GFRA2: variants seen among roughly 807,000 people sequenced by gnomAD.
GFRA2 encodes the protein GDNF family receptor alpha-2.
Under a neutral mutation model 48.3 loss-of-function variants are expected in GFRA2, and 17 were observed. That is an observed-to-expected ratio of 0.35 (90% confidence interval 0.24 to 0.53). The LOEUF (loss-of-function observed/expected upper bound fraction) is 0.53. Among genes scored for constraint, GFRA2 ranks in the 20% least tolerant of loss-of-function variants. The pLI, the probability that GFRA2 is intolerant of heterozygous loss-of-function variation, is 0.93. For missense variants in GFRA2, 660 were observed against 637.3 expected (o/e 1.04, Z -0.38); for synonymous variants, 305 against 257.2 (o/e 1.19, Z -1.78).
intron 1 of GFRA2, among the ~76,000 whole-genome samples, chr8:21,784,111 C>T (rs1477667099): frequency 6.6e-6 from 1 of 152,120 alleles, no homozygotes; most frequent in Non-Finnish European, 1.5e-5. Context: ...TCCTGGCCCC[C>T]ATGTCCACAC....
At chr8:21,748,290 G>A (rs1157413817) in intron 4 of GFRA2, among the ~76,000 whole-genome samples, 6 of 152,006 alleles carry the variant, frequency 3.9e-5, no homozygotes, top group Non-Finnish European at 8.8e-5. Context: ...CACCCCCACT[G>A]AATGGCTCCA....
intron 2 of GFRA2, 84 bp downstream of exon 2, chr8:21,782,501 T>G: frequency 9.6e-7 from 1 of 1,046,186 alleles, no homozygotes; most frequent in Non-Finnish European, 1.4e-6. Flanking sequence ...CACCTAGTCC[T>G]CCCTCCTGAA....
intron 4 of GFRA2, among the ~76,000 whole-genome samples, chr8:21,729,545 G>A (rs1017966328): frequency 1.3e-5 from 2 of 152,084 alleles, no homozygotes; most frequent in African/African-American, 4.8e-5. Flanking sequence ...CTTCACATCC[G>A]CAGAGAAAAC....
intron 1 of GFRA2, among the ~76,000 whole-genome samples, chr8:21,808,944 C>T (rs1807926024): frequency 6.6e-6 from 1 of 152,242 alleles, no homozygotes; most frequent in Admixed American, 6.5e-5. Flanking sequence ...ATTTCTACCT[C>T]TTTTTATCAC....
chr8:21,709,348 G>A (rs116450572), intron 4 of GFRA2, among the ~76,000 whole-genome samples: 1 of 152,252 alleles, frequency 6.6e-6, no homozygotes. Context: ...CATTGCATGA[G>A]CAGTTCCTGA....
At position 21,691,753 on chromosome 8, in the gene GFRA2, G is replaced by C. The variant is rs1007387307; in HGVS notation, c.*1525C>G. 1 of 152,306 alleles carries C rather than the reference G, an allele frequency of 6.6e-6. No homozygotes were observed. The highest frequency in any genetic ancestry group is 1.9e-4 in the East Asian group (1 of 5,198). 9.4% of individuals were successfully genotyped at this position (152,306 alleles called of 1,614,324 possible). On this transcript the variant is annotated 3_prime_UTR_variant, in exon 9 of 9. Coordinates refer to ENST00000524240, the MANE Select transcript of GFRA2 (RefSeq NM_001495.5). ...AGGCATTTGCGCCAACTGGAGAAGT[G>C]AGCAAAGAGGGAACAGAACAGCCCA...
At chr8:21,731,689 T>C (rs1804203539) in intron 4 of GFRA2, among the ~76,000 whole-genome samples, 1 of 152,078 alleles carries the variant, frequency 6.6e-6, no homozygotes, top group African/African-American at 2.4e-5. Context: ...CGTTCAATTA[T>C]CTGGTTTTCT....
At chr8:21,774,634 A>G (rs1806604807) in intron 3 of GFRA2, among the ~76,000 whole-genome samples, 1 of 152,214 alleles carries the variant, frequency 6.6e-6, no homozygotes, top group Non-Finnish European at 1.5e-5. Context: ...CAACTTGACA[A>G]AGTGGAAGAG....
intron 2 of GFRA2, among the ~76,000 whole-genome samples, chr8:21,795,724 C>A (rs1054886271): frequency 1.2e-4 from 19 of 152,320 alleles, no homozygotes; most frequent in Non-Finnish European, 2.6e-4. Context: ...GAAGACCACT[C>A]ATGACATGAC....
chr8:21,808,490 G>A (rs1220833940), intron 1 of GFRA2, among the ~76,000 whole-genome samples: 1 of 152,226 alleles, frequency 6.6e-6, no homozygotes, highest in Non-Finnish European at 1.5e-5. Context: ...CAAAGTCAGA[G>A]TAAGCCTAGT....
intron 1 of GFRA2, among the ~76,000 whole-genome samples, chr8:21,785,215 T>C (rs1807210671): frequency 6.6e-6 from 1 of 152,200 alleles, no homozygotes; most frequent in Non-Finnish European, 1.5e-5. Flanking sequence ...GTCCTACAGT[T>C]GGGCCTAGAG....
intron 3 of GFRA2, among the ~76,000 whole-genome samples, chr8:21,761,936 A>G (rs1041918449): frequency 1.3e-5 from 2 of 152,026 alleles, no homozygotes; most frequent in African/African-American, 2.4e-5. Flanking sequence ...TGTGTGACAG[A>G]GCGAGACTCT....
intron 2 of GFRA2, among the ~76,000 whole-genome samples, chr8:21,779,336 T>C (rs1422633523): frequency 1.3e-5 from 2 of 152,100 alleles, no homozygotes; most frequent in African/African-American, 2.4e-5. Context: ...ATCAGCACAG[T>C]CCTCCCGTGG....
At position 21,749,527 on chromosome 8, in the gene GFRA2, C is replaced by T. The variant is rs567468204; in HGVS notation, c.794+1061G>A. 1.1e-4 allele frequency among the ~76,000 whole-genome samples: 16 copies of T among 152,052 alleles called. No individual in the cohort carries two copies. In the East Asian group the frequency reaches 2.1e-3, roughly 20 times the overall value. On this transcript the variant is annotated intron_variant, in intron 4 of 8. Coordinates refer to ENST00000524240, the MANE Select transcript of GFRA2 (RefSeq NM_001495.5). ...TCCTCACCCTGACCCATTCCTCACT[C>T]ATATGATCATTGAGACTGGATCATA...
At chr8:21,721,807 C>G (rs1049503144) in intron 4 of GFRA2, among the ~76,000 whole-genome samples, 1 of 152,084 alleles carries the variant, frequency 6.6e-6, no homozygotes, top group Non-Finnish European at 1.5e-5. Flanking sequence ...CCAGACCCAC[C>G]AGGAAGCAGG....
intron 4 of GFRA2, among the ~76,000 whole-genome samples, chr8:21,729,222 C>T (rs185659110): frequency 1.4e-3 from 212 of 152,202 alleles, no homozygotes; most frequent in African/African-American, 4.9e-3. Context: ...CCCAGCTACT[C>T]GGGAGGCTGA....
intron 2 of GFRA2, among the ~76,000 whole-genome samples, chr8:21,778,501 G>C (rs1806819878): frequency 6.6e-6 from 1 of 152,210 alleles, no homozygotes; most frequent in Non-Finnish European, 1.5e-5. Context: ...GCCAGCACAG[G>C]GAACACAGTT....
At chr8:21,759,888 C>CA (rs35385607) in intron 3 of GFRA2, among the ~76,000 whole-genome samples, 16,343 of 104,886 alleles carry the variant, frequency 0.16, 1,343 homozygotes, top group African/African-American at 0.24. Flanking sequence ...GATTGCGTCT[C>CA]AAAAAAAAAA....
chr8:21,746,354 C>T (rs377691785), intron 4 of GFRA2, among the ~76,000 whole-genome samples: 5 of 152,306 alleles, frequency 3.3e-5, no homozygotes, highest in African/African-American at 1.2e-4. Context: ...ATGCAGGTTC[C>T]GCCCTCATTC....
Sources: allele counts gnomAD v4.1 joint callset (sites outside exome capture counted in the v4.1 genomes callset), GRCh38; gene constraint gnomAD v4.1.1; transcripts MANE v1.5; gene names NCBI Gene and HGNC (gene_info 2026-07-23, HGNC 2026-07-21).